SEPTIN3: variants seen among roughly 807,000 people sequenced by gnomAD.
SEPTIN3 encodes neuronal-specific septin-3.
Under a neutral mutation model 45.1 loss-of-function variants are expected in SEPTIN3, and 15 were observed. The ratio of observed to expected loss-of-function variants is 0.33; its 90% CI spans 0.22 to 0.51. The LOEUF is 0.51. Ranked by LOEUF, SEPTIN3 falls within the 20% of genes least tolerant of loss-of-function variation. SEPTIN3 has a pLI of 0.97. For synonymous variants in SEPTIN3, 148 were observed against 164.8 expected (o/e 0.90, Z 0.78); for missense variants, 289 against 457.2 (o/e 0.63, Z 3.35).
At chr22:41,977,083 G>A in intron 2 of SEPTIN3, 2 of 1,596,316 alleles carry the variant, frequency 1.3e-6, no homozygotes, top group Admixed American at 1.7e-5. Flanking sequence ...AGGTAGGGCG[G>A]CCGGCCAGGC....
At position 41,981,667 on chromosome 22, in the gene SEPTIN3, C is replaced by A; in HGVS notation, c.1527C>A (p.Asp509Glu). ...EYKGLPETRTDAAMSELVPEP... is the reference protein window; with the variant it reads ...EYKGLPETRTEAAMSELVPEP... Reference sequence around the variant, plus strand: ...CAGGGCTCCCAGAGACCAGGACGGACGCAGCCATGTCAGAGCTGGTGCCTG... The same window carrying A: ...CAGGGCTCCCAGAGACCAGGACGGAAGCAGCCATGTCAGAGCTGGTGCCTG... The change falls in exon 3 of 12, where the codon GAC becomes GAA. Residue 509 changes from aspartate to glutamate, a missense_variant. Transcript: ENST00000644076. 4 of 1,613,450 alleles carry A rather than the reference C, an allele frequency of 2.5e-6. No individual in the cohort carries two copies. Among genetic ancestry groups the A allele is most frequent in the Non-Finnish European group, 3.4e-6 (4 of 1,179,954 alleles).
chr22:41,978,482 A>G (rs2078065987), intron 2 of SEPTIN3, among the ~76,000 whole-genome samples: 1 of 152,156 alleles, frequency 6.6e-6, no homozygotes, highest in African/African-American at 2.4e-5. Context: ...TGAGGCTCAT[A>G]AGGGTCACCC....
rs750927178 is a variant in SEPTIN3 at position 41,992,730 on chromosome 22, C to T, written c.2326C>T (p.Leu776Phe). 1 of 1,612,238 alleles carries T rather than the reference C, an allele frequency of 6.2e-7. No individual in the cohort carries two copies. The highest frequency in any genetic ancestry group is 8.5e-7 in the Non-Finnish European group (1 of 1,179,266). ...GTACCAAGTGAATGGCAAGAGGGTC[C>T]TCGGCCGAAAAACTCCATGGGGGAT... ...KEYQVNGKRV[L>F]GRKTPWGIIE... Residue 776 changes from leucine to phenylalanine, a missense_variant, in exon 9 of 12, where the codon CTC becomes TTC. Leu to Phe is a conservative substitution (Grantham distance 22). Around this residue, in one of 3 missense-constraint regions of SEPTIN3, gnomAD observed 84 missense variants for 114.7 expected, o/e 0.73. Transcript: ENST00000644076.
chr22:41,988,120 G>A (rs557506876), intron 6 of SEPTIN3, among the ~76,000 whole-genome samples: 63 of 152,060 alleles, frequency 4.1e-4, no homozygotes, highest in African/African-American at 1.5e-3. Flanking sequence ...ATTGGAGTCG[G>A]AGGGAGCAGC....
chr22:41,983,447 C>G (rs989647140), intron 3 of SEPTIN3, among the ~76,000 whole-genome samples: 1 of 152,190 alleles, frequency 6.6e-6, no homozygotes, highest in African/African-American at 2.4e-5. Context: ...TCCCACCTTG[C>G]AAAACTTATC....
Position 41,972,890 on chromosome 22 carries a change from C to T in SEPTIN3, c.1398C>T (p.Cys466=). Residue 466 remains cysteine (C), a synonymous_variant, in exon 2 of 12, where the codon TGC becomes TGT. Transcript: ENST00000644076. ...NNLTISDVAT[C]LLMPSRSTDL... ...TAACCATATCAGACGTTGCTACATG[C>T]CTGCTAATGCCAAGCAGATCCACAG... 2.5e-6 allele frequency: 1 copy of T among 399,218 alleles called. No homozygotes were observed. The highest frequency in any genetic ancestry group is 3.6e-5 in the East Asian group (1 of 28,078). 24.7% of individuals were successfully genotyped at this position (399,218 alleles called of 1,614,324 possible). A position where few individuals can be genotyped will look rare whatever the true frequency, so the allele number is the denominator to read the frequency against.
chr22:41,984,459 C>T (rs985905895), intron 3 of SEPTIN3, among the ~76,000 whole-genome samples: 6 of 152,126 alleles, frequency 3.9e-5, no homozygotes, highest in African/African-American at 1.2e-4. Context: ...CGGGCAATGC[C>T]GAGGCTGCTT....
intron 7 of SEPTIN3, 126 bp from the exon 8 acceptor site, chr22:41,991,447 A>G: frequency 1.4e-6 from 1 of 719,842 alleles, no homozygotes; most frequent in Non-Finnish European, 2.6e-6. Context: ...CAGAGTTCAG[A>G]GATGACTGTG....
rs148926273 is a variant in SEPTIN3 at position 41,987,246 on chromosome 22, C to A, written c.1866C>A (p.Ile622=). The part of the protein sequence containing the change: ...EGGVKMKLTV[I]DTPGFGDQIN... ...GTGTCAAAATGAAGCTGACCGTCAT[C>A]GACACCCCAGGCTTTGGAGACCAAA... Residue 622 remains isoleucine, a synonymous_variant, in exon 5 of 12, where the codon ATC becomes ATA. Transcript: ENST00000644076. 3.1e-6 allele frequency: 5 copies of A among 1,613,546 alleles called. No homozygotes were observed. The African/African-American group carries it at 6.7e-5, about 22-fold the overall frequency.
intron 2 of SEPTIN3, among the ~76,000 whole-genome samples, chr22:41,980,997 C>T (rs1569437368): frequency 6.6e-6 from 1 of 152,184 alleles, no homozygotes; most frequent in African/African-American, 2.4e-5. Context: ...GATAGCCACT[C>T]TCCAGAGAAG....
intron 11 of SEPTIN3, 146 bp from the exon 12 acceptor site, chr22:41,996,756 A>G: frequency 2.0e-6 from 3 of 1,519,472 alleles, no homozygotes; most frequent in Non-Finnish European, 1.8e-6. Context: ...ATCTATGGGC[A>G]TGGGAGGTGG....
intron 8 of SEPTIN3, 31 bp from the exon 9 acceptor site, chr22:41,992,633 T>C: frequency 2.7e-6 from 4 of 1,460,258 alleles, no homozygotes; most frequent in Non-Finnish European, 3.8e-6. Context: ...ACGGTGCACA[T>C]GTGTCTGGTT....
At position 41,987,256 on chromosome 22, in the gene SEPTIN3, G is replaced by A. The variant is rs1472599178; in HGVS notation, c.1876G>A (p.Gly626Ser). ...GAAGCTGACCGTCATCGACACCCCA[G>A]GCTTTGGAGACCAAATCAACAATGA... ...KMKLTVIDTP[G>S]FGDQINNENC... Residue 626 changes from glycine (G) to serine (S), a missense_variant, in exon 5 of 12, where the codon GGC becomes AGC. Gly to Ser is a moderately conservative substitution (Grantham distance 56, BLOSUM62 0). Transcript: ENST00000644076. 6.2e-7 allele frequency: 1 copy of A among 1,613,618 alleles called. No individual in the cohort carries two copies. Among genetic ancestry groups the A allele is most frequent in the Admixed American group, 1.7e-5 (1 of 59,842 alleles).
At chr22:41,970,280 C>G (rs1004828044) in intron 1 of SEPTIN3, among the ~76,000 whole-genome samples, 2 of 152,106 alleles carry the variant, frequency 1.3e-5, no homozygotes, top group Non-Finnish European at 2.9e-5. Flanking sequence ...GGCCCATCTA[C>G]TAAGACCACA....
chr22:41,996,817 C>G, intron 11 of SEPTIN3, 85 bp from the exon 12 acceptor site: 2 of 1,584,724 alleles, frequency 1.3e-6, no homozygotes, highest in Non-Finnish European at 1.7e-6. Flanking sequence ...GAACCATGAT[C>G]TGAGCCTCCC....
rs763081041 is a variant in SEPTIN3 at position 41,991,565 on chromosome 22, G to A, written c.2164-8G>A. The stretch of plus-strand genomic sequence containing the variant: ...CTTGACTACCTTGTTTCTTCTCCTC[G>A]CCTCTAGGTTCGCAAGGAGCTTGAA... On this transcript the variant is annotated splice_region_variant and splice_polypyrimidine_tract_variant and intron_variant, in intron 7 of 11. Coordinates refer to ENST00000644076, the MANE Select transcript of SEPTIN3 (RefSeq NM_001363845.2). 10 of 1,601,368 alleles carry A rather than the reference G, an allele frequency of 6.2e-6. No individual in the cohort carries two copies. Among genetic ancestry groups the A allele is most frequent in the East Asian group, 2.2e-5 (1 of 44,810 alleles).
rs1287663096 is a variant in SEPTIN3, at chr22:41,972,128, G to C, written c.636G>C (p.Leu212Phe). 2.5e-6 allele frequency: 1 copy of C among 399,096 alleles called. No homozygotes were observed. Among genetic ancestry groups the C allele is most frequent in the Non-Finnish European group, 4.4e-6 (1 of 226,120 alleles). The allele number at this position is 399,096 out of a possible 1,614,324, so 24.7% of individuals were successfully genotyped here. ...SAPVLAEPGS[L>F]GQGHLVSVTD... is the part of the protein sequence containing the mutation. ...CAGTCCTTGCAGAGCCAGGCTCGTT[G>C]GGCCAGGGGCACCTTGTCTCAGTGA... The change falls in exon 2 of 12, where the codon TTG (leucine) becomes TTC (phenylalanine). Residue 212 changes from leucine (L) to phenylalanine (F), a missense_variant. Around this residue, in one of 3 missense-constraint regions of SEPTIN3, gnomAD observed 200 missense variants for 315.1 expected, o/e 0.63. Coordinates refer to ENST00000644076, the MANE Select transcript of SEPTIN3 (RefSeq NM_001363845.2).
chr22:41,985,357 A>G (rs2078188401), intron 3 of SEPTIN3, among the ~76,000 whole-genome samples: 1 of 152,214 alleles, frequency 6.6e-6, no homozygotes, highest in South Asian at 2.1e-4. Flanking sequence ...GGCTTCTGGG[A>G]GCACAATCTA....
Position 41,994,458 on chromosome 22 carries a change from C to A in SEPTIN3, c.2411+117C>A. On this transcript the variant is annotated intron_variant, in intron 10 of 11. Transcript: ENST00000644076. The surrounding 1 kb of genome is among the most constrained non-coding windows in gnomAD (Gnocchi z 4.2). ...GTCTCTCTGACAGAGCTTTCTGCCC[C>A]AGTTCCAGCTCCTGTTGCAAAATGG... The A allele has an allele frequency of 6.7e-7, 1 of 1,499,748 alleles. No individual in the cohort carries two copies. Among genetic ancestry groups the A allele is most frequent in the African/African-American group, 1.4e-5 (1 of 72,508 alleles). 92.9% of individuals were successfully genotyped at this position (1,499,748 alleles called of 1,614,324 possible).
Sources: allele counts gnomAD v4.1 joint callset (sites outside exome capture counted in the v4.1 genomes callset), GRCh38; gene constraint gnomAD v4.1.1; regional missense constraint gnomAD v4.1.1; non-coding constraint Gnocchi (gnomAD v3.1); transcripts MANE v1.5; gene names NCBI Gene and HGNC (gene_info 2026-07-23, HGNC 2026-07-21).